Variants in PARP11 observed in about 807,000 individuals in gnomAD.
PARP11 encodes the protein protein mono-ADP-ribosyltransferase PARP11.
Under a neutral mutation model 42.9 loss-of-function variants are expected in PARP11, and 31 were observed. The observed-to-expected ratio is 0.72, with a 90% CI of 0.54 to 0.98. The LOEUF is 0.98. Ranked by LOEUF, PARP11 falls within the 50% of genes least tolerant of loss-of-function variation. The pLI is 0.00. For synonymous variants in PARP11, 137 were observed against 127.3 expected (o/e 1.08, Z -0.51); for missense variants, 365 against 413.1 (o/e 0.88, Z 1.01).
At chr12:3,865,948 T>C (rs1234818730) in intron 1 of PARP11, among the ~76,000 whole-genome samples, 1 of 151,930 alleles carries the variant, frequency 6.6e-6, no homozygotes, top group East Asian at 1.9e-4. Flanking sequence ...TTCTTTCAGA[T>C]TGAGTGCTTT....
intron 1 of PARP11, among the ~76,000 whole-genome samples, chr12:3,852,161 A>T (rs999267631): frequency 2.6e-5 from 4 of 152,228 alleles, no homozygotes; most frequent in Non-Finnish European, 5.9e-5. Context: ...AGGTAGATAA[A>T]ACCACAAAGA....
Position 3,812,050 on chromosome 12 carries a change from T to C in PARP11, c.*73A>G. The C allele has an allele frequency of 9.1e-7, 1 of 1,094,468 alleles. No individual in the cohort carries two copies. 67.8% of individuals were successfully genotyped at this position (1,094,468 alleles called of 1,614,324 possible). A position where few individuals can be genotyped will look rare whatever the true frequency, so the allele number is the denominator to read the frequency against. ...TATCAGATAATTAACATTTAGTGGC[T>C]AGATGACTGAAGAGCAAACCTTCCT... On this transcript the variant is annotated 3_prime_UTR_variant, in exon 8 of 8. Transcript: ENST00000228820.
intron 1 of PARP11, among the ~76,000 whole-genome samples, chr12:3,862,659 A>G (rs550148703): frequency 2.2e-4 from 34 of 151,498 alleles, no homozygotes; most frequent in African/African-American, 7.5e-4. Flanking sequence ...ATTTTTCTGC[A>G]TATGGGTATC....
intron 1 of PARP11, chr12:3,841,006 C>G (rs1376416958): frequency 1.9e-6 from 3 of 1,597,558 alleles, no homozygotes; most frequent in African/African-American, 2.7e-5. Context: ...TGTCCCTGCT[C>G]CAATTCCTGG....
chr12:3,840,517 G>T lies in PARP11; in HGVS notation c.19-10499C>A. 6.2e-7 allele frequency: 1 copy of T among 1,612,314 alleles called. No homozygotes were observed. Among genetic ancestry groups the T allele is most frequent in the Non-Finnish European group, 8.5e-7 (1 of 1,178,344 alleles). ...GTCACAGTCTCAGAAATTCTCCAGT[G>T]AGCACAAAAATCTTAGCCGGACACC... On this transcript the variant is annotated intron_variant, in intron 1 of 7. Transcript: ENST00000228820. The surrounding 1 kb of genome is among the most constrained non-coding windows in gnomAD (Gnocchi z 4.4).
chr12:3,868,948 AG>A (rs1178574937), intron 1 of PARP11, among the ~76,000 whole-genome samples: 4 of 152,214 alleles, frequency 2.6e-5, no homozygotes, highest in Non-Finnish European at 5.9e-5. Flanking sequence ...AATCAAGGTG[AG>A]TTTGATTCCC....
At chr12:3,830,228 A>G (rs1471937296) in intron 1 of PARP11, among the ~76,000 whole-genome samples, 3 of 152,200 alleles carry the variant, frequency 2.0e-5, no homozygotes, top group African/African-American at 7.2e-5. Flanking sequence ...GGCAAGTAAT[A>G]ATAATCTTAG....
chr12:3,828,805 T>C, intron 3 of PARP11, 105 bp downstream of exon 3: 5 of 967,244 alleles, frequency 5.2e-6, no homozygotes, highest in African/African-American at 1.6e-5. Context: ...AAAAAAGATA[T>C]ACTTCACTGT....
At chr12:3,830,938 A>C (rs1947626822) in intron 1 of PARP11, among the ~76,000 whole-genome samples, 1 of 152,236 alleles carries the variant, frequency 6.6e-6, no homozygotes. Flanking sequence ...CATATGCATT[A>C]TCTTTGAAAA....
intron 6 of PARP11, among the ~76,000 whole-genome samples, chr12:3,816,576 T>C (rs1947290446): frequency 6.6e-6 from 1 of 152,238 alleles, no homozygotes; most frequent in South Asian, 2.1e-4. Flanking sequence ...ATGGTAATCC[T>C]ATTAGTTAGT....
intron 1 of PARP11, among the ~76,000 whole-genome samples, chr12:3,832,519 T>G (rs1399003718): frequency 6.6e-6 from 1 of 152,240 alleles, no homozygotes; most frequent in Non-Finnish European, 1.5e-5. Flanking sequence ...AACATTTAGT[T>G]TAATTGCTTT....
At chr12:3,827,067 G>A (rs1055994209) in intron 3 of PARP11, among the ~76,000 whole-genome samples, 1 of 152,172 alleles carries the variant, frequency 6.6e-6, no homozygotes, top group Non-Finnish European at 1.5e-5. Context: ...ACTGTTCAGG[G>A]AAAAAGCAAG....
intron 1 of PARP11, among the ~76,000 whole-genome samples, chr12:3,836,682 C>T (rs890942226): frequency 1.3e-5 from 2 of 152,148 alleles, no homozygotes; most frequent in Non-Finnish European, 2.9e-5. Flanking sequence ...CCTGCCCCCA[C>T]AGAAAACCAA....
In PARP11 at chr12:3,821,855, G is replaced by T; in HGVS notation, c.548+18C>A. On this transcript the variant is annotated intron_variant, in intron 6 of 7. Coordinates refer to ENST00000228820, the MANE Select transcript of PARP11 (RefSeq NM_020367.6). ...GACATAGTGGAAAGGAGAAGTTTCA[G>T]ATTAGAAATCATCTCACCTGCAAAA... is the stretch of plus-strand genomic sequence containing the variant. 1 of 1,596,022 alleles carries T rather than the reference G, an allele frequency of 6.3e-7. No individual in the cohort carries two copies. Among genetic ancestry groups the T allele is most frequent in the Non-Finnish European group, 8.5e-7 (1 of 1,174,906 alleles).
chr12:3,842,171 G>A, intron 1 of PARP11: 4 of 1,611,882 alleles, frequency 2.5e-6, no homozygotes, highest in Non-Finnish European at 3.4e-6. Context: ...AAGATCCTAA[G>A]ACTGCTGCTG....
intron 1 of PARP11, among the ~76,000 whole-genome samples, chr12:3,871,268 G>A (rs1948473074): frequency 1.3e-5 from 2 of 152,170 alleles, no homozygotes; most frequent in South Asian, 4.1e-4. Flanking sequence ...CTCAGCATAG[G>A]AGTAGTTTCT....
intron 1 of PARP11, among the ~76,000 whole-genome samples, chr12:3,847,731 A>C (rs1246694767): frequency 1.3e-5 from 2 of 152,246 alleles, no homozygotes; most frequent in Non-Finnish European, 2.9e-5. Context: ...AATGGGAAAA[A>C]ATTAAAAGCC....
At chr12:3,813,989 GA>G (rs780117850) in intron 7 of PARP11, 47 bp downstream of exon 7, 30 of 1,415,136 alleles carry the variant, frequency 2.1e-5, no homozygotes, top group Non-Finnish European at 2.8e-5. Flanking sequence ...CTAAAAAGAG[GA>G]AACTCTCTCC....
intron 1 of PARP11, among the ~76,000 whole-genome samples, chr12:3,850,909 T>G (rs960958931): frequency 2.0e-5 from 3 of 152,186 alleles, no homozygotes; most frequent in Non-Finnish European, 4.4e-5. Context: ...ATGTTGAAAG[T>G]AATGAACAGA....
Sources: allele counts gnomAD v4.1 joint callset (sites outside exome capture counted in the v4.1 genomes callset), GRCh38; gene constraint gnomAD v4.1.1; non-coding constraint Gnocchi (gnomAD v3.1); transcripts MANE v1.5; gene names NCBI Gene and HGNC (gene_info 2026-07-23, HGNC 2026-07-21).